Variants in CDS1 observed in about 807,000 individuals in gnomAD.
CDS1 encodes CDP-diacylglycerol synthase 1, also known as phosphatidate cytidylyltransferase 1.
In CDS1, 41 loss-of-function variants were observed where a neutral mutation model predicts 62.1. The ratio of observed to expected loss-of-function variants is 0.66; its 90% CI spans 0.51 to 0.86. The LOEUF is 0.86. Among genes scored for constraint, CDS1 ranks in the 40% least tolerant of loss-of-function variants. The pLI, the probability that CDS1 is intolerant of heterozygous loss-of-function variation, is 0.00. For synonymous variants in CDS1, 185 were observed against 192.6 expected, an observed-to-expected ratio of 0.96 and a Z score of 0.32; for missense variants, 470 against 550.1, an observed-to-expected ratio of 0.85 and a Z score of 1.46.
rs1723538374 is a variant in CDS1 at position 84,617,614 on chromosome 4, T to C, written c.393T>C (p.Tyr131=). The change falls in exon 4 of 13, where the codon TAT becomes TAC. Residue 131 remains tyrosine (Y), a synonymous_variant. Coordinates refer to ENST00000295887, the MANE Select transcript of CDS1 (RefSeq NM_001263.4). ...KCFHEIITIG[Y]RVYHSYDLPW... ...TCCATGAAATTATCACTATAGGTTA[T>C]AGAGTCTATCATTCTTATGATCTAC... 3.1e-6 allele frequency: 5 copies of C among 1,597,300 alleles called. No homozygotes were observed. Among genetic ancestry groups the C allele is most frequent in the Non-Finnish European group, 4.3e-6 (5 of 1,167,496 alleles).
At chr4:84,611,778 G>A (rs1046132348) in intron 3 of CDS1, among the ~76,000 whole-genome samples, 9 of 152,174 alleles carry the variant, frequency 5.9e-5, no homozygotes, top group Non-Finnish European at 1.5e-5. Flanking sequence ...TAATGTGAGA[G>A]CAGAGGAAGC....
chr4:84,615,466 AC>A (rs1166589447), intron 3 of CDS1, among the ~76,000 whole-genome samples: 1 of 150,050 alleles, frequency 6.7e-6, no homozygotes, highest in Non-Finnish European at 1.5e-5. Flanking sequence ...TCTCCTTCTT[AC>A]CCCCACCTTT....
intron 7 of CDS1, among the ~76,000 whole-genome samples, chr4:84,634,906 A>G (rs1461778700): frequency 6.6e-6 from 1 of 152,200 alleles, no homozygotes; most frequent in African/African-American, 2.4e-5. Context: ...ACTCATTTTC[A>G]TATTAAAAGG....
At chr4:84,645,500 A>G (rs2148661843) in intron 12 of CDS1, among the ~76,000 whole-genome samples, 175 bp downstream of exon 12, 1 of 152,336 alleles carries the variant, frequency 6.6e-6, no homozygotes, top group South Asian at 2.1e-4. Context: ...TGTTTTACCT[A>G]CATTTGAACA....
At chr4:84,621,185 A>G (rs538078877) in intron 5 of CDS1, among the ~76,000 whole-genome samples, 1 of 152,370 alleles carries the variant, frequency 6.6e-6, no homozygotes, top group African/African-American at 2.4e-5. Flanking sequence ...TTTTCACTTT[A>G]AAAGAAGGAC....
At chr4:84,606,250 G>A (rs1025430803) in intron 2 of CDS1, among the ~76,000 whole-genome samples, 2 of 151,776 alleles carry the variant, frequency 1.3e-5, no homozygotes, top group Non-Finnish European at 2.9e-5. Flanking sequence ...CTCCTACCAA[G>A]ACATTAATAT....
At chr4:84,607,287 CT>C (rs879686627) in intron 2 of CDS1, among the ~76,000 whole-genome samples, 170 of 144,350 alleles carry the variant, frequency 1.2e-3, no homozygotes, top group Admixed American at 1.2e-3. Flanking sequence ...GGAATGTAAT[CT>C]TTTTTTTTTT....
In CDS1 at chr4:84,641,084, T is replaced by C. The variant is rs964917020; in HGVS notation, c.1032+94T>C. The stretch of plus-strand genomic sequence containing the variant: ...TTTATTTATTTATTTAATTAATTTA[T>C]TGTTGTTTTGAGACAGAGTTTCCCT... On this transcript the variant is annotated intron_variant, in intron 10 of 12. Transcript: ENST00000295887. 8 of 832,766 alleles carry C rather than the reference T, an allele frequency of 9.6e-6. No individual in the cohort carries two copies. In the East Asian group the frequency reaches 1.4e-4, roughly 14 times the overall value. The allele number at this position is 832,766 out of a possible 1,614,324, so 51.6% of individuals were successfully genotyped here.
intron 5 of CDS1, among the ~76,000 whole-genome samples, chr4:84,628,784 C>T (rs1482297968): frequency 3.3e-5 from 5 of 152,294 alleles, no homozygotes; most frequent in Middle Eastern, 3.4e-3. Flanking sequence ...GTCCTCCTTC[C>T]TTGGCCTCCC....
At chr4:84,624,853 C>T (rs1229905263) in intron 5 of CDS1, among the ~76,000 whole-genome samples, 1 of 140,196 alleles carries the variant, frequency 7.1e-6, no homozygotes, top group African/African-American at 2.5e-5. Context: ...CTATAAAATA[C>T]AATCAATGTT....
intron 1 of CDS1, among the ~76,000 whole-genome samples, chr4:84,596,505 G>A (rs1459282889): frequency 6.6e-6 from 1 of 152,132 alleles, no homozygotes; most frequent in African/African-American, 2.4e-5. Flanking sequence ...CTCTGCTTCT[G>A]TCATCTCTTC....
intron 4 of CDS1, 101 bp downstream of exon 4, chr4:84,617,762 A>T: frequency 3.8e-6 from 2 of 530,114 alleles, no homozygotes; most frequent in Non-Finnish European, 6.6e-6. Flanking sequence ...TACCCTATAG[A>T]TTGATTCTAG....
chr4:84,588,444 G>A (rs988864812), intron 1 of CDS1, among the ~76,000 whole-genome samples: 3 of 152,136 alleles, frequency 2.0e-5, no homozygotes, highest in Non-Finnish European at 2.9e-5. Context: ...TTATCAACAC[G>A]GGAGAATTGC....
chr4:84,627,417 C>A (rs1723894840), intron 5 of CDS1, among the ~76,000 whole-genome samples: 1 of 152,086 alleles, frequency 6.6e-6, no homozygotes, highest in Admixed American at 6.5e-5. Flanking sequence ...CAAACGTTTT[C>A]TCTAGAGTCT....
At chr4:84,643,522 T>A (rs969495014) in intron 11 of CDS1, among the ~76,000 whole-genome samples, 7 of 152,214 alleles carry the variant, frequency 4.6e-5, no homozygotes, top group Admixed American at 2.6e-4. Context: ...TTTGGCTATG[T>A]AACTGTCCAT....
chr4:84,600,453 A>G (rs1722902596), intron 1 of CDS1, among the ~76,000 whole-genome samples: 1 of 152,230 alleles, frequency 6.6e-6, no homozygotes, highest in South Asian at 2.1e-4. Flanking sequence ...GAGTTTATGT[A>G]AGATTTATAG....
intron 1 of CDS1, among the ~76,000 whole-genome samples, chr4:84,600,895 A>G (rs1722914722): frequency 6.6e-6 from 1 of 152,170 alleles, no homozygotes; most frequent in African/African-American, 2.4e-5. Flanking sequence ...GAGGCTGGGC[A>G]CGGTGGCTCA....
intron 1 of CDS1, among the ~76,000 whole-genome samples, chr4:84,594,247 A>G (rs1578017117): frequency 6.6e-6 from 1 of 152,198 alleles, no homozygotes; most frequent in Non-Finnish European, 1.5e-5. Flanking sequence ...TGAAGTTTAT[A>G]TAGCACCCTG....
At chr4:84,632,936 C>A (rs1040788017) in intron 6 of CDS1, among the ~76,000 whole-genome samples, 1 of 152,206 alleles carries the variant, frequency 6.6e-6, no homozygotes, top group Non-Finnish European at 1.5e-5. Flanking sequence ...CCAGTCTGGG[C>A]AACCTGGCAA....
Sources: gnomAD v4.1 joint callset for allele counts (sites outside exome capture counted in the v4.1 genomes callset) on GRCh38, gnomAD v4.1.1 for gene constraint, MANE v1.5 for transcripts, NCBI Gene and HGNC (gene_info 2026-07-23, HGNC 2026-07-21) for gene names.